ASZ1: variants seen among roughly 807,000 people sequenced by gnomAD.
The protein encoded by ASZ1 is ankyrin repeat, SAM and basic leucine zipper domain containing 1.
A neutral mutation model predicts 61.8 loss-of-function variants in ASZ1; 67 were observed. The observed-to-expected ratio is 1.08, with a 90% CI of 0.89 to 1.33. The LOEUF (loss-of-function observed/expected upper bound fraction) is 1.33. ASZ1 is among the 40% of genes most tolerant of loss of function. The pLI, the probability that ASZ1 is intolerant of heterozygous loss-of-function variation, is 0.00. For synonymous variants in ASZ1, 193 were observed against 192.7 expected, an observed-to-expected ratio of 1.00 and a Z score of -0.01; for missense variants, 577 against 554.5, an observed-to-expected ratio of 1.04 and a Z score of -0.41.
intron 2 of ASZ1, among the ~76,000 whole-genome samples, chr7:117,423,687 T>TAAAAAAAAAAA (rs1413276323): frequency 5.4e-5 from 2 of 37,234 alleles, no homozygotes; most frequent in African/African-American, 8.1e-5. Flanking sequence ...CTACTAAAAA[T>TAAAAAAAAAAA]ACAAAAAAAA....
intron 4 of ASZ1, among the ~76,000 whole-genome samples, chr7:117,388,338 G>A (rs1191591316): frequency 1.3e-5 from 2 of 152,052 alleles, no homozygotes; most frequent in Non-Finnish European, 2.9e-5. Flanking sequence ...ACCAAAACCA[G>A]AGGGTGCCAT....
intron 4 of ASZ1, among the ~76,000 whole-genome samples, chr7:117,412,109 T>C (rs1317768838): frequency 6.6e-6 from 1 of 150,824 alleles, no homozygotes. Flanking sequence ...TGTATGAAAA[T>C]GTGTATTTTT....
intron 4 of ASZ1, among the ~76,000 whole-genome samples, chr7:117,410,000 A>G (rs573221652): frequency 2.0e-5 from 3 of 151,846 alleles, no homozygotes; most frequent in African/African-American, 7.2e-5. Context: ...ATACTTCTAT[A>G]ATTTTGTGTA....
At chr7:117,411,215 T>C (rs1173074032) in intron 4 of ASZ1, among the ~76,000 whole-genome samples, 1 of 151,796 alleles carries the variant, frequency 6.6e-6, no homozygotes, top group Non-Finnish European at 1.5e-5. Flanking sequence ...AGTAGCAGTA[T>C]TAACATATGT....
chr7:117,408,343 T>C (rs1283383810), intron 4 of ASZ1, among the ~76,000 whole-genome samples: 2 of 152,168 alleles, frequency 1.3e-5, no homozygotes, highest in Non-Finnish European at 1.5e-5. Context: ...ACATGCTTTA[T>C]ATCATTCAAA....
chr7:117,374,311 A>G (rs1286370223), intron 10 of ASZ1, among the ~76,000 whole-genome samples: 1 of 152,100 alleles, frequency 6.6e-6, no homozygotes, highest in Non-Finnish European at 1.5e-5. Flanking sequence ...TGCATTTGCA[A>G]GTATAGGATA....
intron 4 of ASZ1, among the ~76,000 whole-genome samples, chr7:117,395,785 GTAATAGTTTAA>G (rs1796566644): frequency 6.6e-6 from 1 of 152,124 alleles, no homozygotes; most frequent in African/African-American, 2.4e-5. Flanking sequence ...TAAAAAAGAT[GTAATAGTTTAA>G]TTAGAGGCAT....
In ASZ1 at chr7:117,373,718, T is replaced by C. The variant is rs185428082; in HGVS notation, c.1056-5001A>G. Among the ~76,000 whole-genome samples the C allele has an allele frequency of 4.7e-3, 722 of 152,306 alleles. 5 individuals carry two copies. Among genetic ancestry groups the C allele is most frequent in the African/African-American group, 0.016 (677 of 41,588 alleles). Reference sequence around the variant, plus strand: ...GGAATATATGTCTGCCAGTTTTATTTTTTTAAAAAAATTCAGTAGCTTTTA... The same window carrying C: ...GGAATATATGTCTGCCAGTTTTATTCTTTTAAAAAAATTCAGTAGCTTTTA... On this transcript the variant is annotated intron_variant, in intron 10 of 12. Coordinates refer to ENST00000284629, the MANE Select transcript of ASZ1 (RefSeq NM_130768.3).
intron 10 of ASZ1, among the ~76,000 whole-genome samples, chr7:117,379,047 T>C (rs1406141923): frequency 1.3e-5 from 2 of 150,616 alleles, no homozygotes; most frequent in African/African-American, 4.9e-5. Flanking sequence ...AGGTTAGATG[T>C]GGCTATAAAG....
chr7:117,383,231 C>T, intron 6 of ASZ1, 121 bp from the exon 7 acceptor site: 1 of 1,133,826 alleles, frequency 8.8e-7, no homozygotes, highest in Non-Finnish European at 1.1e-6. Context: ...GTAAGTGGGA[C>T]AGATGTTTCA....
intron 2 of ASZ1, among the ~76,000 whole-genome samples, chr7:117,423,992 A>C (rs192108019): frequency 5.2e-4 from 79 of 152,304 alleles, no homozygotes; most frequent in African/African-American, 1.9e-3. Context: ...GTGCAAAAAA[A>C]GGTAAGTTTC....
intron 2 of ASZ1, among the ~76,000 whole-genome samples, chr7:117,426,505 A>AAAAAAG (rs1562863977): frequency 6.7e-6 from 1 of 150,044 alleles, no homozygotes; most frequent in African/African-American, 2.4e-5. Flanking sequence ...AAAAAAAAAA[A>AAAAAAG]AAAAAGAAAA....
At chr7:117,408,496 A>G (rs972556300) in intron 4 of ASZ1, among the ~76,000 whole-genome samples, 2 of 152,178 alleles carry the variant, frequency 1.3e-5, no homozygotes, top group South Asian at 2.1e-4. Flanking sequence ...ACATTATTTT[A>G]TAGTGCAAAA....
In ASZ1 at chr7:117,382,979, A is replaced by G. The variant is rs767760188; in HGVS notation, c.812+7T>C. The stretch of plus-strand genomic sequence containing the variant: ...GTATTCTGTTGAACTAAAACATGCT[A>G]TATTACCTAAAAATGTGATCTTTTT... On this transcript the variant is annotated splice_region_variant and intron_variant, in intron 7 of 12. Coordinates refer to ENST00000284629, the MANE Select transcript of ASZ1 (RefSeq NM_130768.3). The G allele has an allele frequency of 6.4e-7, 1 of 1,559,482 alleles. No homozygotes were observed. Among genetic ancestry groups the G allele is most frequent in the Non-Finnish European group, 8.7e-7 (1 of 1,155,780 alleles).
chr7:117,406,141 G>C (rs1417976862), intron 4 of ASZ1, among the ~76,000 whole-genome samples: 1 of 152,182 alleles, frequency 6.6e-6, no homozygotes, highest in Non-Finnish European at 1.5e-5. Context: ...GTAAAAATAA[G>C]AGACAACAAA....
chr7:117,426,488 C>CAAAAAAAAAAAA (rs10625452), intron 2 of ASZ1, among the ~76,000 whole-genome samples: 123 of 33,918 alleles, frequency 3.6e-3, no homozygotes, highest in Non-Finnish European at 4.2e-3. Context: ...GATAACATCT[C>CAAAAAAAAAAAA]AAAAAAAAAA....
intron 10 of ASZ1, among the ~76,000 whole-genome samples, chr7:117,372,654 T>G (rs1584717842): frequency 6.8e-6 from 1 of 146,006 alleles, no homozygotes; most frequent in South Asian, 2.1e-4. Context: ...ATAAAGGTAT[T>G]TATAAGCAAA....
chr7:117,423,919 A>G (rs1463075899), intron 2 of ASZ1, among the ~76,000 whole-genome samples: 1 of 151,966 alleles, frequency 6.6e-6, no homozygotes, highest in African/African-American at 2.4e-5. Context: ...TAAAATTCTA[A>G]CTTAATATTT....
In ASZ1 at chr7:117,387,989, T is replaced by C. The variant is rs1796392923; in HGVS notation, c.441-2180A>G. ...AGAGAAGTAACATCAGTACAGATTA[T>C]CCAGATTTTAGAAGTATGAGGAAGT... On this transcript the variant is annotated intron_variant, in intron 4 of 12. Coordinates refer to ENST00000284629, the MANE Select transcript of ASZ1 (RefSeq NM_130768.3). Among the ~76,000 whole-genome samples the C allele has an allele frequency of 2.0e-5, 3 of 152,284 alleles. 1 individual carries two copies. In the South Asian group the frequency reaches 6.2e-4, roughly 32 times the overall value.
Sources: allele counts gnomAD v4.1 joint callset (sites outside exome capture counted in the v4.1 genomes callset), GRCh38; gene constraint gnomAD v4.1.1; transcripts MANE v1.5; gene names NCBI Gene and HGNC (gene_info 2026-07-23, HGNC 2026-07-21).